Variants in B3GALT1 observed in about 807,000 individuals in gnomAD.
The protein encoded by B3GALT1 is beta-1,3-galactosyltransferase 1, also known as UDP-Gal:betaGlcNAc beta 1,3-galactosyltransferase, polypeptide 1.
B3GALT1 carries 10 observed loss-of-function variants against 23.2 expected under a neutral mutation model. The ratio of observed to expected loss-of-function variants is 0.43; its 90% CI spans 0.27 to 0.73. The LOEUF (loss-of-function observed/expected upper bound fraction) is 0.73. Among genes scored for constraint, B3GALT1 ranks in the 30% least tolerant of loss-of-function variants. The pLI, the probability that B3GALT1 is intolerant of heterozygous loss-of-function variation, is 0.21. For synonymous variants in B3GALT1, 156 were observed against 141.5 expected (o/e 1.10, Z -0.73); for missense variants, 299 against 405.4 (o/e 0.74, Z 2.25).
intron 1 of B3GALT1, among the ~76,000 whole-genome samples, chr2:167,391,271 C>T (rs770589317): frequency 5.9e-5 from 9 of 152,150 alleles, no homozygotes; most frequent in Non-Finnish European, 8.8e-5. Context: ...CAGGTTTGAT[C>T]GTAGTCCCAC....
intron 3 of B3GALT1, among the ~76,000 whole-genome samples, chr2:167,654,480 A>G (rs1166470390): frequency 6.6e-6 from 1 of 151,968 alleles, no homozygotes; most frequent in African/African-American, 2.4e-5. Flanking sequence ...GCCAAACTCA[A>G]CTGCTTTTTG....
chr2:167,454,496 A>G (rs754005892), intron 1 of B3GALT1, among the ~76,000 whole-genome samples: 1 of 152,198 alleles, frequency 6.6e-6, no homozygotes, highest in Non-Finnish European at 1.5e-5. Context: ...CAGTAGGATA[A>G]ATACTTTTAA....
At chr2:167,695,004 G>T (rs1285884479) in intron 3 of B3GALT1, among the ~76,000 whole-genome samples, 1 of 152,072 alleles carries the variant, frequency 6.6e-6, no homozygotes, top group Non-Finnish European at 1.5e-5. Flanking sequence ...GATTGCTCTT[G>T]TTCCCATGCT....
intron 3 of B3GALT1, among the ~76,000 whole-genome samples, chr2:167,735,394 C>T (rs1197611043): frequency 2.0e-5 from 3 of 152,190 alleles, no homozygotes; most frequent in East Asian, 3.8e-4. Context: ...AGACCTCCTG[C>T]TTCTACAGCA....
intron 2 of B3GALT1, among the ~76,000 whole-genome samples, chr2:167,509,449 TAATA>T (rs1211646345): frequency 1.3e-5 from 2 of 152,128 alleles, no homozygotes; most frequent in Admixed American, 6.6e-5. Context: ...TGTGTGTGTG[TAATA>T]AATAAGGAGA....
intron 2 of B3GALT1, among the ~76,000 whole-genome samples, chr2:167,544,976 T>A (rs1683604132): frequency 6.7e-6 from 1 of 149,010 alleles, no homozygotes; most frequent in Non-Finnish European, 1.5e-5. Flanking sequence ...AAGTAAAGCT[T>A]CCATGTGGTG....
intron 1 of B3GALT1, among the ~76,000 whole-genome samples, chr2:167,411,764 C>T (rs1400554631): frequency 1.3e-5 from 2 of 152,150 alleles, no homozygotes. Flanking sequence ...CCTGCACTTC[C>T]ATGTTTATTG....
chr2:167,325,729 T>G lies in B3GALT1; in HGVS notation c.-511+32395T>G, dbSNP rs1268323310. 6.3e-5 allele frequency among the ~76,000 whole-genome samples: 5 copies of G among 78,988 alleles called. No homozygotes were observed. In the East Asian group the frequency reaches 1.1e-3, roughly 17 times the overall value. The allele number at this position is 78,988 out of a possible 152,430, so 51.8% of individuals were successfully genotyped here. A position where few individuals can be genotyped will look rare whatever the true frequency, so the allele number is the denominator to read the frequency against. On this transcript the variant is annotated intron_variant, in intron 1 of 4. Coordinates refer to ENST00000392690, the MANE Select transcript of B3GALT1 (RefSeq NM_020981.4). ...TTTTTTTTTTTTTTTTTTTTTTTTC[T>G]TTTTTCGAGATAGATTCTTGCTGTG...
chr2:167,855,589 C>A (rs2105423190), intron 4 of B3GALT1, among the ~76,000 whole-genome samples: 1 of 152,228 alleles, frequency 6.6e-6, no homozygotes, highest in African/African-American at 2.4e-5. Flanking sequence ...TTTAACAAAT[C>A]TTTAAAAATA....
intron 1 of B3GALT1, among the ~76,000 whole-genome samples, chr2:167,381,655 G>A (rs151143982): frequency 2.0e-5 from 3 of 152,292 alleles, no homozygotes; most frequent in East Asian, 1.9e-4. Context: ...TGAAGAAAGC[G>A]TATGTAAACT....
intron 1 of B3GALT1, among the ~76,000 whole-genome samples, chr2:167,484,955 T>C (rs1296945970): frequency 6.6e-6 from 1 of 152,214 alleles, no homozygotes; most frequent in Non-Finnish European, 1.5e-5. Context: ...ATTCGGTATC[T>C]TACAGCTGTA....
At chr2:167,356,784 ATATAG>A (rs1422137516) in intron 1 of B3GALT1, among the ~76,000 whole-genome samples, 1 of 151,886 alleles carries the variant, frequency 6.6e-6, no homozygotes, top group African/African-American at 2.4e-5. Flanking sequence ...TATTAAATAT[ATATAG>A]TAATTAAATT....
At chr2:167,493,735 A>G (rs1263815294) in intron 2 of B3GALT1, among the ~76,000 whole-genome samples, 2 of 152,176 alleles carry the variant, frequency 1.3e-5, no homozygotes, top group Admixed American at 6.5e-5. Flanking sequence ...CCTTAAATCT[A>G]TGCTGCAGAT....
At chr2:167,839,909 A>C (rs1271280968) in intron 4 of B3GALT1, among the ~76,000 whole-genome samples, 1 of 152,150 alleles carries the variant, frequency 6.6e-6, no homozygotes, top group Non-Finnish European at 1.5e-5. Context: ...GACAAACCTG[A>C]GAAAAACAAG....
At chr2:167,711,504 A>G (rs549774543) in intron 3 of B3GALT1, among the ~76,000 whole-genome samples, 7 of 152,334 alleles carry the variant, frequency 4.6e-5, no homozygotes, top group South Asian at 4.1e-4. Context: ...ACAAGAGTAC[A>G]GAAGAAAGAA....
chr2:167,690,142 A>G (rs1686686416), intron 3 of B3GALT1, among the ~76,000 whole-genome samples: 1 of 152,162 alleles, frequency 6.6e-6, no homozygotes, highest in African/African-American at 2.4e-5. Context: ...ATAGATAAAC[A>G]ATGATTTATT....
intron 2 of B3GALT1, among the ~76,000 whole-genome samples, chr2:167,600,495 A>T (rs923504058): frequency 1.3e-5 from 2 of 152,274 alleles, no homozygotes; most frequent in East Asian, 3.9e-4. Context: ...CATCACCTCA[A>T]AAAAGAAACC....
At chr2:167,413,145 G>A (rs1000547683) in intron 1 of B3GALT1, among the ~76,000 whole-genome samples, 2 of 152,056 alleles carry the variant, frequency 1.3e-5, no homozygotes, top group African/African-American at 4.8e-5. Context: ...GGTGTACAAT[G>A]ATTGTGTACT....
chr2:167,365,288 C>T (rs1443104069), intron 1 of B3GALT1, among the ~76,000 whole-genome samples: 1 of 152,132 alleles, frequency 6.6e-6, no homozygotes, highest in Admixed American at 6.5e-5. Flanking sequence ...GAATTATGTT[C>T]TTCCTGCCCT....
Sources: gnomAD v4.1 joint callset for allele counts (sites outside exome capture counted in the v4.1 genomes callset) on GRCh38, gnomAD v4.1.1 for gene constraint, MANE v1.5 for transcripts, NCBI Gene and HGNC (gene_info 2026-07-23, HGNC 2026-07-21) for gene names.